Variants in ATXN7L1 observed in about 807,000 individuals in gnomAD.
ATXN7L1 encodes the protein ataxin 7 like 1.
In ATXN7L1, 15 loss-of-function variants were observed where a neutral mutation model predicts 70.8. The ratio of observed to expected loss-of-function variants is 0.21; its 90% confidence interval spans 0.14 to 0.33. ATXN7L1 has a LOEUF of 0.33. Among genes scored for constraint, ATXN7L1 ranks in the 10% least tolerant of loss-of-function variants. The pLI, the probability that ATXN7L1 is intolerant of heterozygous loss-of-function variation, is 1.00. For synonymous variants in ATXN7L1, 440 were observed against 445.1 expected, an observed-to-expected ratio of 0.99 and a Z score of 0.14; for missense variants, 975 against 1,097.1, an observed-to-expected ratio of 0.89 and a Z score of 1.57.
intron 7 of ATXN7L1, among the ~76,000 whole-genome samples, chr7:105,637,125 G>A (rs1369448769): frequency 6.6e-6 from 1 of 152,172 alleles, no homozygotes; most frequent in Non-Finnish European, 1.5e-5. Context: ...GAGCATGATG[G>A]AAGTGTTGGG....
chr7:105,759,422 A>G (rs1366890918), intron 3 of ATXN7L1, among the ~76,000 whole-genome samples: 3 of 150,656 alleles, frequency 2.0e-5, no homozygotes, highest in Non-Finnish European at 2.9e-5. Context: ...GGAGGAGCCA[A>G]TAAGAAGACT....
chr7:105,863,977 C>T (rs1010606457), intron 2 of ATXN7L1, among the ~76,000 whole-genome samples: 3 of 152,120 alleles, frequency 2.0e-5, no homozygotes, highest in Admixed American at 6.5e-5. Flanking sequence ...AAGCAGCTCC[C>T]TAGAACCCCT....
intron 3 of ATXN7L1, among the ~76,000 whole-genome samples, chr7:105,722,560 TAAAAAAAAAAAAAAAAAAAAAAAA>T (rs56228890): frequency 0.038 from 794 of 20,884 alleles, 29 homozygotes; most frequent in African/African-American, 0.11. Context: ...GACTCTGCCT[TAAAAAAAAAAAAAAAAAAAAAAAA>T]AAAAAAAAAA....
intron 4 of ATXN7L1, among the ~76,000 whole-genome samples, chr7:105,646,957 A>G (rs955978717): frequency 6.6e-6 from 1 of 151,510 alleles, no homozygotes; most frequent in African/African-American, 2.4e-5. Context: ...AAAAAAAAAA[A>G]TTAGAAGAAT....
At chr7:105,647,604 G>T (rs1010074962) in intron 4 of ATXN7L1, among the ~76,000 whole-genome samples, 4 of 152,210 alleles carry the variant, frequency 2.6e-5, no homozygotes, top group African/African-American at 4.8e-5. Context: ...CTGAGATGGC[G>T]CCATTGCACT....
chr7:105,624,261 T>G lies in ATXN7L1; in HGVS notation c.1209A>C (p.Ser403=). 1 of 1,432,320 alleles carries G rather than the reference T, an allele frequency of 7.0e-7. No homozygotes were observed. The highest frequency in any genetic ancestry group is 9.3e-7 in the Non-Finnish European group (1 of 1,079,880). 88.7% of individuals were successfully genotyped at this position (1,432,320 alleles called of 1,614,324 possible). A position where few individuals can be genotyped will look rare whatever the true frequency, so the allele number is the denominator to read the frequency against. ...RPPNSVLPRP[S]SANSISSSTS... ...TGCTGCTGCTTATGCTATTTGCAGA[T>G]GATGGTCTAAGGGCAAGAGCGGAGA... Residue 403 remains serine (S), a synonymous_variant, in exon 8 of 12, where the codon TCA becomes TCC. Transcript: ENST00000419735.
At chr7:105,796,642 C>G (rs1806035035) in intron 2 of ATXN7L1, among the ~76,000 whole-genome samples, 1 of 152,196 alleles carries the variant, frequency 6.6e-6, no homozygotes, top group Non-Finnish European at 1.5e-5. Flanking sequence ...AGATTCAAAT[C>G]TGGACATAGA....
chr7:105,637,640 T>C (rs1047108762), intron 7 of ATXN7L1, among the ~76,000 whole-genome samples: 14 of 152,360 alleles, frequency 9.2e-5, no homozygotes, highest in African/African-American at 3.4e-4. Flanking sequence ...GAATTGAGCT[T>C]CTGCCCATCA....
At position 105,632,946 on chromosome 7, in the gene ATXN7L1, AAAG is replaced by A. The variant is rs1456460433; in HGVS notation, c.1202+5404_1202+5406del. ...TAAAAAAAAAAAAAAAAAAAAAAAA[AAAG>A]AAGAAGAGTGACTATTGTGTGAACT... On this transcript the variant is annotated intron_variant, in intron 7 of 11. Transcript: ENST00000419735. Among the ~76,000 whole-genome samples the A allele has an allele frequency of 4.9e-3, 734 of 150,076 alleles. 3 individuals are homozygous for A. Among genetic ancestry groups the A allele is most frequent in the African/African-American group, 0.011 (442 of 40,782 alleles).
chr7:105,876,432 G>A lies in ATXN7L1; in HGVS notation c.127C>T (p.Leu43=). ...ATCCAGGAGGACCAGGGTTTGCCCAGAAACGCCTCCGGACTGGGCACTTTG... is the reference window on the plus strand; with the variant it reads ...ATCCAGGAGGACCAGGGTTTGCCCAAAAACGCCTCCGGACTGGGCACTTTG... ...DRKVPSPEAF[L]GKPWSSWIDA... The change falls in exon 1 of 12, where the codon CTG becomes TTG. Residue 43 remains leucine, a synonymous_variant. Transcript: ENST00000419735. The A allele has an allele frequency of 6.2e-7, 1 of 1,613,466 alleles. No individual in the cohort carries two copies. The highest frequency in any genetic ancestry group is 8.5e-7 in the Non-Finnish European group (1 of 1,179,702).
intron 2 of ATXN7L1, among the ~76,000 whole-genome samples, chr7:105,835,545 A>T (rs550717930): frequency 6.6e-6 from 1 of 152,064 alleles, no homozygotes; most frequent in African/African-American, 2.4e-5. Context: ...TGAAATCAGC[A>T]TGTGAGTCTT....
chr7:105,870,774 C>T (rs1317469174), intron 2 of ATXN7L1, among the ~76,000 whole-genome samples: 1 of 152,278 alleles, frequency 6.6e-6, no homozygotes, highest in East Asian at 1.9e-4. Flanking sequence ...AATTTTCTCT[C>T]ATAAACACCT....
rs993612323 is a variant in ATXN7L1 at position 105,813,308 on chromosome 7, C to G, written c.251-24600G>C. The stretch of plus-strand genomic sequence containing the variant: ...CAGGTTGGCTCCTGGTGTTCACTAC[C>G]TTCTTTTCTAGTATTCACAATCTAC... On this transcript the variant is annotated intron_variant, in intron 2 of 11. Transcript: ENST00000419735. Among the ~76,000 whole-genome samples the G allele has an allele frequency of 4.6e-5, 7 of 151,106 alleles. No individual in the cohort carries two copies. In the East Asian group the frequency reaches 1.4e-3, roughly 29 times the overall value.
At chr7:105,729,423 CCTA>C (rs1360946807) in intron 3 of ATXN7L1, among the ~76,000 whole-genome samples, 15 of 136,422 alleles carry the variant, frequency 1.1e-4, no homozygotes, top group Non-Finnish European at 1.8e-4. Flanking sequence ...AGCATAAATC[CCTA>C]CTTCTTTTTT....
chr7:105,637,194 T>C (rs1467106062), intron 7 of ATXN7L1, among the ~76,000 whole-genome samples: 1 of 152,172 alleles, frequency 6.6e-6, no homozygotes, highest in Non-Finnish European at 1.5e-5. Flanking sequence ...TCGGCCATAA[T>C]GACAGAGGGA....
intron 3 of ATXN7L1, among the ~76,000 whole-genome samples, chr7:105,680,064 T>G (rs1423516682): frequency 7.0e-6 from 1 of 143,460 alleles, no homozygotes; most frequent in Non-Finnish European, 1.5e-5. Context: ...AAGGGGTACA[T>G]GCCTTTTAGT....
At chr7:105,672,527 A>C (rs192161174) in intron 3 of ATXN7L1, among the ~76,000 whole-genome samples, 93 of 152,338 alleles carry the variant, frequency 6.1e-4, no homozygotes, top group African/African-American at 2.1e-3. Flanking sequence ...CTTTTAAAAA[A>C]CTGATTTAAA....
intron 4 of ATXN7L1, among the ~76,000 whole-genome samples, chr7:105,654,656 A>C (rs1800338279): frequency 6.6e-6 from 1 of 152,214 alleles, no homozygotes; most frequent in Non-Finnish European, 1.5e-5. Flanking sequence ...TTGGGCTATC[A>C]AAACATCTAA....
chr7:105,619,785 T>C (rs1794660962), intron 9 of ATXN7L1, among the ~76,000 whole-genome samples: 1 of 151,734 alleles, frequency 6.6e-6, no homozygotes, highest in Non-Finnish European at 1.5e-5. Flanking sequence ...CGCAAACTCC[T>C]GGCCTCAAGC....
Sources: allele counts gnomAD v4.1 joint callset (sites outside exome capture counted in the v4.1 genomes callset), GRCh38; gene constraint gnomAD v4.1.1; transcripts MANE v1.5; gene names NCBI Gene and HGNC (gene_info 2026-07-23, HGNC 2026-07-21).